MECR: variants seen among roughly 807,000 people sequenced by gnomAD.
MECR encodes the protein enoyl-[acyl-carrier-protein] reductase, mitochondrial.
A neutral mutation model predicts 49.1 loss-of-function variants in MECR; 37 were observed. The observed-to-expected ratio is 0.75, with a 90% CI of 0.58 to 0.99. MECR has a LOEUF of 0.99. Ranked by LOEUF, MECR falls within the 50% of genes least tolerant of loss-of-function variation. MECR has a pLI of 0.00. For synonymous variants in MECR, 198 were observed against 191.1 expected (o/e 1.04, Z -0.30); for missense variants, 470 against 479.6 (o/e 0.98, Z 0.19).
chr1:29,225,019 A>C (rs1157323818), intron 1 of MECR, among the ~76,000 whole-genome samples: 2 of 152,104 alleles, frequency 1.3e-5, no homozygotes, highest in Admixed American at 1.3e-4. Context: ...TGTGATTCCT[A>C]GGGGGTGTGC....
At chr1:29,214,598 G>T (rs1678889655) in intron 3 of MECR, among the ~76,000 whole-genome samples, 1 of 742 alleles carries the variant, frequency 1.3e-3, no homozygotes, top group South Asian at 0.12. Context: ...CTGATCTCAG[G>T]TGATCCACCA....
the MECR span, among the ~76,000 whole-genome samples, chr1:29,177,632 T>G: frequency 6.6e-6 from 1 of 152,002 alleles, no homozygotes; most frequent in Non-Finnish European, 1.5e-5. Context: ...TAGGAGACCT[T>G]AATGGGAAAT....
chr1:29,202,979 C>T (rs759445133), intron 5 of MECR, 152 bp downstream of exon 5: 64 of 590,650 alleles, frequency 1.1e-4, no homozygotes, highest in Middle Eastern at 4.5e-4. Flanking sequence ...TTAGGACTGA[C>T]TCATCTGTTT....
At chr1:29,177,270 A>G in the MECR span, among the ~76,000 whole-genome samples, 2 of 149,884 alleles carry the variant, frequency 1.3e-5, no homozygotes, top group African/African-American at 4.9e-5. Context: ...CCTTCCCTAC[A>G]GTAACTCTTT....
At chr1:29,182,390 TTAG>T in the MECR span, among the ~76,000 whole-genome samples, 5 of 152,162 alleles carry the variant, frequency 3.3e-5, no homozygotes, top group Admixed American at 2.6e-4. Flanking sequence ...CATAAAGCAC[TTAG>T]TAGTTTTGTC....
chr1:29,181,871 G>A, the MECR span: 8 of 760,344 alleles, frequency 1.1e-5, no homozygotes, highest in Non-Finnish European at 1.5e-5. Flanking sequence ...GACGGACGCA[G>A]CCGAACCCCG....
At chr1:29,176,428 C>A in the MECR span, among the ~76,000 whole-genome samples, 1 of 149,802 alleles carries the variant, frequency 6.7e-6, no homozygotes, top group South Asian at 2.1e-4. Flanking sequence ...ATTAAGAATA[C>A]GGTAACGATG....
chr1:29,180,350 AAGG>A, the MECR span, among the ~76,000 whole-genome samples: 11 of 152,228 alleles, frequency 7.2e-5, no homozygotes, highest in African/African-American at 1.4e-4. Context: ...TACTGTAGAA[AAGG>A]AGTAGTTTTT....
chr1:29,199,161 C>T (rs1013182725), intron 7 of MECR, among the ~76,000 whole-genome samples: 6 of 152,204 alleles, frequency 3.9e-5, no homozygotes, highest in African/African-American at 4.8e-5. Context: ...TAGCTGAATC[C>T]GTACTATTGA....
At chr1:29,194,740 G>A (rs1385300370) in intron 9 of MECR, among the ~76,000 whole-genome samples, 3 of 152,146 alleles carry the variant, frequency 2.0e-5, no homozygotes, top group South Asian at 2.1e-4. Flanking sequence ...TGAAGGCCTC[G>A]GCTGAGAAGT....
downstream of MECR, among the ~76,000 whole-genome samples, chr1:29,187,703 G>A (rs953081103): frequency 1.1e-4 from 17 of 150,766 alleles, no homozygotes; most frequent in East Asian, 4.1e-4. Context: ...GGGTTCAAGC[G>A]ATTCTCCTGC....
chr1:29,224,535 G>A (rs1681570133), intron 1 of MECR: 1 of 152,250 alleles, frequency 6.6e-6, no homozygotes, highest in African/African-American at 2.4e-5. Context: ...TGGCTGCAGT[G>A]TTATGCTGAG....
intron 1 of MECR, among the ~76,000 whole-genome samples, chr1:29,222,632 C>T (rs1232568715): frequency 6.6e-6 from 1 of 152,200 alleles, no homozygotes; most frequent in Non-Finnish European, 1.5e-5. Flanking sequence ...CTGGGCCCCT[C>T]GTTCTCTTCT....
chr1:29,182,969 C>T, the MECR span, among the ~76,000 whole-genome samples: 1 of 152,210 alleles, frequency 6.6e-6, no homozygotes, highest in Non-Finnish European at 1.5e-5. Flanking sequence ...ATGGTAAGAG[C>T]TCAATAAATA....
chr1:29,168,323 G>A, the MECR span, among the ~76,000 whole-genome samples: 2 of 151,804 alleles, frequency 1.3e-5, no homozygotes, highest in Non-Finnish European at 2.9e-5. Flanking sequence ...GAGCCACCAT[G>A]CCCGGCCTTC....
At chr1:29,185,870 G>A in the MECR span, among the ~76,000 whole-genome samples, 1 of 152,172 alleles carries the variant, frequency 6.6e-6, no homozygotes, top group Non-Finnish European at 1.5e-5. Flanking sequence ...TGTAGTCCCA[G>A]CTACTTGGGA....
intron 7 of MECR, among the ~76,000 whole-genome samples, chr1:29,199,687 C>G (rs796826800): frequency 6.7e-6 from 1 of 149,164 alleles, no homozygotes; most frequent in African/African-American, 2.5e-5. Flanking sequence ...GGTGTGATCT[C>G]GGCTCACTGC....
chr1:29,193,372 G>A lies in MECR; in HGVS notation c.*650C>T, dbSNP rs1418554922. 5.4e-6 allele frequency: 1 copy of A among 186,464 alleles called. No individual in the cohort carries two copies. Among genetic ancestry groups the A allele is most frequent in the African/African-American group, 2.4e-5 (1 of 41,590 alleles). 11.6% of individuals were successfully genotyped at this position (186,464 alleles called of 1,614,324 possible). A position where few individuals can be genotyped will look rare whatever the true frequency, so the allele number is the denominator to read the frequency against. On this transcript the variant is annotated 3_prime_UTR_variant, in exon 10 of 10. Transcript: ENST00000263702. ...GCTGTGATAGCCAGAAATATCCCCA[G>A]ACATTGTCAAATGTCTCCTGGGGGT...
chr1:29,207,760 A>T (rs1676977163), intron 3 of MECR, among the ~76,000 whole-genome samples: 1 of 152,006 alleles, frequency 6.6e-6, no homozygotes, highest in Non-Finnish European at 1.5e-5. Flanking sequence ...AAAAAACAAA[A>T]AACAAACCAA....
Sources: allele counts gnomAD v4.1 joint callset (sites outside exome capture counted in the v4.1 genomes callset), GRCh38; gene constraint gnomAD v4.1.1; transcripts MANE v1.5; gene names NCBI Gene and HGNC (gene_info 2026-07-23, HGNC 2026-07-21).